The following ZNF454 variants were observed in gnomAD, a reference collection of about 807,000 sequenced individuals.
The protein encoded by ZNF454 is zinc finger protein 454.
A neutral mutation model predicts 48.2 loss-of-function variants in ZNF454; 30 were observed. The observed-to-expected ratio is 0.62, with a 90% CI of 0.47 to 0.84. The LOEUF (loss-of-function observed/expected upper bound fraction) is 0.84. Among genes scored for constraint, ZNF454 ranks in the 40% least tolerant of loss-of-function variants. The pLI is 0.00. For missense variants in ZNF454, 510 were observed against 623.1 expected, an observed-to-expected ratio of 0.82 and a Z score of 1.93; for synonymous variants, 204 against 211.4, an observed-to-expected ratio of 0.97 and a Z score of 0.30.
At chr5:178,966,730 T>C (rs1439022948), downstream of ZNF454, among the ~76,000 whole-genome samples, 1 of 152,066 alleles carries the variant, frequency 6.6e-6, no homozygotes, top group Non-Finnish European at 1.5e-5. Context: ...CTTAGTCCTC[T>C]CCTCACCCAC....
the ZNF454 span, chr5:178,985,701 TA>T: frequency 0.014 from 4,766 of 347,110 alleles, 64 homozygotes; most frequent in African/African-American, 0.059. Context: ...AGACTCTGTC[TA>T]AAAAAAAAAA....
chr5:178,957,566 C>T (rs567961757), intron 4 of ZNF454, among the ~76,000 whole-genome samples: 26 of 152,050 alleles, frequency 1.7e-4, no homozygotes, highest in African/African-American at 5.1e-4. Context: ...CCTGCCACCA[C>T]GTCCAGCTAA....
chr5:178,968,539 T>C (rs1760198955), downstream of ZNF454, among the ~76,000 whole-genome samples: 2 of 152,248 alleles, frequency 1.3e-5, no homozygotes, highest in Admixed American at 6.5e-5. Context: ...TTAAGCTGCA[T>C]GTGAAGCAGT....
At chr5:178,987,136 T>G in the ZNF454 span, 2 of 790,116 alleles carry the variant, frequency 2.5e-6, no homozygotes, top group Non-Finnish European at 4.3e-6. Flanking sequence ...GAGATCCCCC[T>G]TCACCCATTG....
downstream of ZNF454, chr5:178,969,067 C>T (rs373662272): frequency 2.5e-4 from 91 of 362,100 alleles, 1 homozygote; most frequent in African/African-American, 9.6e-4. Context: ...CTATTAGATA[C>T]GCCCAGGCTG....
At position 178,951,688 on chromosome 5, in the gene ZNF454, T is replaced by A. The variant is rs1229901542; in HGVS notation, c.250+4702T>A. Among the ~76,000 whole-genome samples, 3 of 152,224 alleles carry A rather than the reference T, an allele frequency of 2.0e-5. No homozygotes were observed. The East Asian group carries it at 5.8e-4, about 29-fold the overall frequency. On this transcript the variant is annotated intron_variant, in intron 4 of 4. Transcript: ENST00000519564. ...AGTCTCCTGCTGCTGGCTGTGTAAG[T>A]TATTTCCAGACTTTTTACTATTATG...
intron 4 of ZNF454, among the ~76,000 whole-genome samples, chr5:178,951,003 G>A (rs747962713): frequency 1.3e-5 from 2 of 151,916 alleles, no homozygotes; most frequent in Non-Finnish European, 2.9e-5. Context: ...GGGACTACCG[G>A]TGCCTGCCAC....
intron 4 of ZNF454, among the ~76,000 whole-genome samples, chr5:178,950,406 A>G (rs181271345): frequency 4.1e-4 from 63 of 152,312 alleles, no homozygotes; most frequent in Admixed American, 8.5e-4. Flanking sequence ...TGGAGCCTCA[A>G]CTGCTGAATT....
intron 4 of ZNF454, among the ~76,000 whole-genome samples, chr5:178,949,355 T>A (rs1191587059): frequency 1.3e-5 from 2 of 151,882 alleles, no homozygotes; most frequent in South Asian, 4.2e-4. Context: ...CCTGGTCTTT[T>A]TTTTTAGTAG....
chr5:178,983,140 C>T, the ZNF454 span: 47 of 1,613,842 alleles, frequency 2.9e-5, no homozygotes, highest in East Asian at 2.2e-4. Flanking sequence ...CTGGCCTGCT[C>T]GGGGTCCACC....
chr5:178,968,748 C>G (rs1019052139), downstream of ZNF454: 1 of 456,674 alleles, frequency 2.2e-6, no homozygotes, highest in East Asian at 6.9e-5. Context: ...CTGAGAAGCA[C>G]GTTTCTAAGC....
At chr5:178,985,492 A>G in the ZNF454 span, 7 of 343,834 alleles carry the variant, frequency 2.0e-5, no homozygotes, top group Admixed American at 2.0e-4. Context: ...TCACGAGGTC[A>G]GGAGATCGAG....
At chr5:178,969,869 G>A (rs527612044), downstream of ZNF454, among the ~76,000 whole-genome samples, 1 of 151,762 alleles carries the variant, frequency 6.6e-6, no homozygotes, top group Non-Finnish European at 1.5e-5. Flanking sequence ...CCTTGTTACC[G>A]AAAAAAAACA....
At chr5:178,981,941 T>C in the ZNF454 span, 2 of 899,340 alleles carry the variant, frequency 2.2e-6, no homozygotes, top group Non-Finnish European at 3.8e-6. This position sits in a 1 kb window ranked among gnomAD's most constrained non-coding sequence, Gnocchi z 5.1. Context: ...ACTCTGGAGC[T>C]GAGTCTGTTT....
At chr5:178,989,196 G>A in the ZNF454 span, 23 of 1,415,484 alleles carry the variant, frequency 1.6e-5, no homozygotes, top group African/African-American at 5.9e-5. Context: ...CCGGCCTCCC[G>A]CCTTCCCCCT....
the ZNF454 span, chr5:178,989,282 G>A: frequency 6.2e-7 from 1 of 1,610,166 alleles, no homozygotes; most frequent in South Asian, 1.1e-5. Flanking sequence ...TTTGCGGGTG[G>A]AATCGTCTGA....
At chr5:178,983,262 G>A in the ZNF454 span, 3 of 1,559,264 alleles carry the variant, frequency 1.9e-6, no homozygotes, top group Non-Finnish European at 2.6e-6. Context: ...CACTTTCCAG[G>A]GACAAATCCA....
chr5:178,969,266 C>A (rs1288744481), downstream of ZNF454: 6 of 364,434 alleles, frequency 1.6e-5, no homozygotes, highest in South Asian at 1.2e-4. Context: ...CCAGCTCAAC[C>A]CCTAAAAGTA....
the ZNF454 span, chr5:178,981,637 TC>T: frequency 6.3e-7 from 1 of 1,590,098 alleles, no homozygotes; most frequent in Non-Finnish European, 8.6e-7. This position sits in a 1 kb window ranked among gnomAD's most constrained non-coding sequence, Gnocchi z 5.1. Flanking sequence ...CAGCAAGCAG[TC>T]CCGTTCCCAC....
Sources: gnomAD v4.1 joint callset for allele counts (sites outside exome capture counted in the v4.1 genomes callset) on GRCh38, gnomAD v4.1.1 for gene constraint, Gnocchi (gnomAD v3.1) non-coding constraint, MANE v1.5 for transcripts, NCBI Gene and HGNC (gene_info 2026-07-23, HGNC 2026-07-21) for gene names.